Variants in DLGAP2 observed in about 807,000 individuals in gnomAD.
DLGAP2 encodes the protein DLG associated protein 2.
A neutral mutation model predicts 100.3 loss-of-function variants in DLGAP2; 26 were observed. The ratio of observed to expected loss-of-function variants is 0.26; its 90% CI spans 0.19 to 0.36. DLGAP2 has a LOEUF of 0.36. DLGAP2 is among the 10% of genes least tolerant of loss of function. The probability of loss-of-function intolerance (pLI) is 1.00; values close to 1 mark genes in which losing one functional copy is unlikely to be tolerated. For synonymous variants in DLGAP2, 886 were observed against 630.1 expected, an observed-to-expected ratio of 1.41 and a Z score of -6.08; for missense variants, 1,858 against 1,453.2, an observed-to-expected ratio of 1.28 and a Z score of -4.53.
intron 2 of DLGAP2, among the ~76,000 whole-genome samples, chr8:998,175 CAA>C (rs1473198732): frequency 6.6e-6 from 1 of 152,228 alleles, no homozygotes; most frequent in African/African-American, 2.4e-5. Flanking sequence ...TGTATACACA[CAA>C]ATGTGCATGC....
At chr8:1,420,942 T>A (rs1241126876) in intron 3 of DLGAP2, among the ~76,000 whole-genome samples, 1 of 152,166 alleles carries the variant, frequency 6.6e-6, no homozygotes, top group African/African-American at 2.4e-5. Context: ...TTCGATTGGC[T>A]GTTTTGAGGC....
At chr8:1,026,377 G>C (rs1801800463) in intron 2 of DLGAP2, among the ~76,000 whole-genome samples, 1 of 152,140 alleles carries the variant, frequency 6.6e-6, no homozygotes, top group Non-Finnish European at 1.5e-5. Flanking sequence ...TTCACGGTTG[G>C]TGTTGTACTG....
At chr8:1,216,164 A>G (rs1798208870) in intron 2 of DLGAP2, among the ~76,000 whole-genome samples, 1 of 152,180 alleles carries the variant, frequency 6.6e-6, no homozygotes, top group Non-Finnish European at 1.5e-5. Flanking sequence ...GCATGTTTGC[A>G]CACATCTGCA....
intron 3 of DLGAP2, among the ~76,000 whole-genome samples, chr8:1,353,307 A>G (rs1801777797): frequency 6.6e-6 from 1 of 152,212 alleles, no homozygotes; most frequent in Admixed American, 6.5e-5. Context: ...CAGCAGTGCG[A>G]TAAGATTGTT....
chr8:1,008,016 A>G (rs1177113867), intron 2 of DLGAP2, among the ~76,000 whole-genome samples: 2 of 152,180 alleles, frequency 1.3e-5, no homozygotes, highest in African/African-American at 4.8e-5. Context: ...AGGGCCCTGA[A>G]TGTGCACCTT....
At chr8:1,205,575 C>G (rs1407556542) in intron 2 of DLGAP2, among the ~76,000 whole-genome samples, 3 of 152,194 alleles carry the variant, frequency 2.0e-5, no homozygotes, top group Non-Finnish European at 4.4e-5. Context: ...GGAGCTTTTA[C>G]TGCAACACAG....
At chr8:1,298,661 C>A (rs1171529076) in intron 3 of DLGAP2, among the ~76,000 whole-genome samples, 1 of 152,160 alleles carries the variant, frequency 6.6e-6, no homozygotes, top group East Asian at 1.9e-4. Context: ...CAGCAGGCAC[C>A]TCGGCCATGG....
intron 3 of DLGAP2, among the ~76,000 whole-genome samples, chr8:1,454,303 C>G (rs999111912): frequency 2.6e-5 from 4 of 152,102 alleles, no homozygotes; most frequent in Non-Finnish European, 5.9e-5. Flanking sequence ...AGCTGCTGAA[C>G]AGTAGCATCC....
At chr8:1,126,668 G>C (rs1796172900) in intron 2 of DLGAP2, among the ~76,000 whole-genome samples, 1 of 152,198 alleles carries the variant, frequency 6.6e-6, no homozygotes, top group Admixed American at 6.5e-5. Flanking sequence ...GCGGTGCTCT[G>C]CTGCTGAGGG....
At chr8:1,681,577 G>T (rs1475788405) in intron 12 of DLGAP2, among the ~76,000 whole-genome samples, 3 of 152,038 alleles carry the variant, frequency 2.0e-5, no homozygotes, top group Non-Finnish European at 4.4e-5. Context: ...AGGATTGCCT[G>T]AGCCCCAGAG....
At chr8:1,571,748 A>G (rs1385216520) in intron 6 of DLGAP2, among the ~76,000 whole-genome samples, 12 of 64,120 alleles carry the variant, frequency 1.9e-4, no homozygotes, top group African/African-American at 4.0e-4. Flanking sequence ...GAGAGGAGAG[A>G]GGGTGAACTG....
At chr8:1,426,944 C>T (rs180876684) in intron 3 of DLGAP2, among the ~76,000 whole-genome samples, 17 of 152,118 alleles carry the variant, frequency 1.1e-4, no homozygotes, top group Admixed American at 9.8e-4. Context: ...CAGCAGTGAA[C>T]AGAGAGATCA....
At chr8:780,707 G>C (rs1043468876) in intron 1 of DLGAP2, among the ~76,000 whole-genome samples, 1 of 152,176 alleles carries the variant, frequency 6.6e-6, no homozygotes, top group Non-Finnish European at 1.5e-5. Context: ...GGCTCTTGTG[G>C]CAATTTGGAA....
intron 2 of DLGAP2, among the ~76,000 whole-genome samples, chr8:1,127,472 C>T (rs906356169): frequency 6.6e-6 from 1 of 152,100 alleles, no homozygotes; most frequent in Non-Finnish European, 1.5e-5. Context: ...GTTAGAGCCT[C>T]GCGTTGCTTT....
chr8:1,354,304 G>C (rs1460275752), intron 3 of DLGAP2, among the ~76,000 whole-genome samples: 1 of 152,170 alleles, frequency 6.6e-6, no homozygotes, highest in African/African-American at 2.4e-5. Flanking sequence ...CCAGGAGTTT[G>C]AGACCAGCCT....
At chr8:1,601,372 A>C (rs951341213) in intron 6 of DLGAP2, among the ~76,000 whole-genome samples, 26 of 152,104 alleles carry the variant, frequency 1.7e-4, no homozygotes, top group Non-Finnish European at 7.4e-5. Flanking sequence ...TTGAGGAGGC[A>C]CTCTGTGCCT....
chr8:821,055 G>A (rs1796575253), intron 1 of DLGAP2, among the ~76,000 whole-genome samples: 1 of 152,178 alleles, frequency 6.6e-6, no homozygotes, highest in African/African-American at 2.4e-5. Context: ...GAAACCAACG[G>A]TTGATTTTCA....
intron 3 of DLGAP2, among the ~76,000 whole-genome samples, chr8:1,270,570 T>G (rs1185882060): frequency 6.6e-6 from 1 of 152,186 alleles, no homozygotes; most frequent in African/African-American, 2.4e-5. Context: ...TTAACCTCTT[T>G]GCCATTAATT....
rs1796858304 is a variant in DLGAP2 at position 1,607,881 on chromosome 8, AG to A, written c.1443-18856del. Among the ~76,000 whole-genome samples the A allele has an allele frequency of 4.0e-5, 6 of 150,042 alleles. No individual in the cohort carries two copies. The South Asian group carries it at 1.3e-3, about 32-fold the overall frequency. On this transcript the variant is annotated intron_variant, in intron 6 of 14. Coordinates refer to ENST00000637795, the MANE Select transcript of DLGAP2 (RefSeq NM_001346810.2). ...AGACTATATCCCACACCTGGCTCGG[AG>A]GGTCCTACGCCCACGGAATCTCGCT...
Sources: gnomAD v4.1 joint callset for allele counts (sites outside exome capture counted in the v4.1 genomes callset) on GRCh38, gnomAD v4.1.1 for gene constraint, MANE v1.5 for transcripts, NCBI Gene and HGNC (gene_info 2026-07-23, HGNC 2026-07-21) for gene names.